The following MACROD2 variants were observed in gnomAD, a reference collection of about 807,000 sequenced individuals.
The protein encoded by MACROD2 is ADP-ribose glycohydrolase MACROD2.
A neutral mutation model predicts 70.4 loss-of-function variants in MACROD2; 36 were observed. That is an observed-to-expected ratio of 0.51 (90% CI 0.39 to 0.68). The LOEUF is 0.68. Among genes scored for constraint, MACROD2 ranks in the 30% least tolerant of loss-of-function variants. The pLI, the probability that MACROD2 is intolerant of heterozygous loss-of-function variation, is 0.00. For synonymous variants in MACROD2, 172 were observed against 178.8 expected (o/e 0.96, Z 0.30); for missense variants, 496 against 538.4 (o/e 0.92, Z 0.78).
intron 8 of MACROD2, among the ~76,000 whole-genome samples, chr20:15,712,360 A>G (rs2050641144): frequency 1.3e-5 from 2 of 152,220 alleles, no homozygotes; most frequent in South Asian, 4.1e-4. Flanking sequence ...CTGGGTTTGG[A>G]AGATGCTTCT....
chr20:15,529,828 A>G (rs577884294), intron 8 of MACROD2, among the ~76,000 whole-genome samples: 10 of 152,166 alleles, frequency 6.6e-5, no homozygotes, highest in Non-Finnish European at 1.2e-4. Context: ...AGTTGGGAGA[A>G]AGAAAGGGAA....
At position 14,282,511 on chromosome 20, in the gene MACROD2, G is replaced by A. The variant is rs542265885; in HGVS notation, c.271+196783G>A. On this transcript the variant is annotated intron_variant, in intron 3 of 17. Transcript: ENST00000684519. ...GGTGGATTCCAAAATGAAATGTTCCGTGAGAAAGTGAGAAAGTTGAAGCTA... is the reference window on the plus strand; with the variant it reads ...GGTGGATTCCAAAATGAAATGTTCCATGAGAAAGTGAGAAAGTTGAAGCTA... Among the ~76,000 whole-genome samples, 6 of 152,276 alleles carry A rather than the reference G, an allele frequency of 3.9e-5. No individual in the cohort carries two copies. The East Asian group carries it at 9.6e-4, about 24-fold the overall frequency.
At chr20:15,465,168 A>C (rs2046868750) in intron 7 of MACROD2, among the ~76,000 whole-genome samples, 1 of 152,248 alleles carries the variant, frequency 6.6e-6, no homozygotes, top group Admixed American at 6.5e-5. Flanking sequence ...ATATGTAGGA[A>C]TTTCTAAACA....
chr20:14,315,801 T>C (rs550315804), intron 3 of MACROD2, among the ~76,000 whole-genome samples: 1 of 152,326 alleles, frequency 6.6e-6, no homozygotes, highest in East Asian at 1.9e-4. Flanking sequence ...TAAATGTTGG[T>C]ACACATCACC....
intron 5 of MACROD2, among the ~76,000 whole-genome samples, chr20:15,047,801 T>A (rs2075406749): frequency 6.6e-6 from 1 of 152,152 alleles, no homozygotes; most frequent in Non-Finnish European, 1.5e-5. Flanking sequence ...TGCAACGTGA[T>A]GAGGTTTCCT....
At chr20:15,863,529 G>A (rs1480762769) in intron 9 of MACROD2, among the ~76,000 whole-genome samples, 2 of 152,172 alleles carry the variant, frequency 1.3e-5, no homozygotes, top group Non-Finnish European at 2.9e-5. Flanking sequence ...TTTTTATGGT[G>A]CCATTAAAGT....
intron 13 of MACROD2, among the ~76,000 whole-genome samples, chr20:15,969,357 C>G (rs911884308): frequency 2.0e-5 from 3 of 151,650 alleles, no homozygotes; most frequent in Non-Finnish European, 4.4e-5. Flanking sequence ...ACATGAAAAA[C>G]AAAACAATAA....
intron 8 of MACROD2, among the ~76,000 whole-genome samples, chr20:15,691,675 A>G (rs2050301035): frequency 6.6e-6 from 1 of 152,254 alleles, no homozygotes; most frequent in Non-Finnish European, 1.5e-5. Context: ...CTAGGGAGCC[A>G]CACAGTCCTG....
intron 2 of MACROD2, among the ~76,000 whole-genome samples, chr20:14,022,111 G>A (rs767394784): frequency 3.3e-5 from 5 of 152,296 alleles, no homozygotes; most frequent in Admixed American, 3.3e-4. Flanking sequence ...TGATTTTGGC[G>A]AATAGCTAGT....
chr20:15,927,736 A>C (rs1402650690), intron 10 of MACROD2, among the ~76,000 whole-genome samples: 1 of 152,220 alleles, frequency 6.6e-6, no homozygotes, highest in African/African-American at 2.4e-5. Flanking sequence ...GCCAACATGG[A>C]AACTTTTCTA....
intron 5 of MACROD2, among the ~76,000 whole-genome samples, chr20:14,703,257 G>A (rs2071228238): frequency 6.6e-6 from 1 of 152,064 alleles, no homozygotes; most frequent in Non-Finnish European, 1.5e-5. Context: ...TTGCTGGTTG[G>A]GAGGGACTGT....
intron 5 of MACROD2, among the ~76,000 whole-genome samples, chr20:14,800,501 GACTA>G (rs1227824766): frequency 2.6e-5 from 4 of 152,146 alleles, no homozygotes; most frequent in South Asian, 2.1e-4. Context: ...ACATTACATA[GACTA>G]ACTGTTTCAT....
chr20:15,462,529 T>C (rs2046833154), intron 7 of MACROD2, among the ~76,000 whole-genome samples: 1 of 152,172 alleles, frequency 6.6e-6, no homozygotes, highest in Admixed American at 6.6e-5. Flanking sequence ...TCTAAAAAAT[T>C]CTTGAAAGAT....
chr20:15,464,621 A>C (rs1056023203), intron 7 of MACROD2, among the ~76,000 whole-genome samples: 2 of 152,184 alleles, frequency 1.3e-5, no homozygotes, highest in African/African-American at 4.8e-5. Context: ...CTTTTGCCTT[A>C]GCTTTATCCC....
chr20:14,477,115 G>A (rs1297752800), intron 3 of MACROD2, among the ~76,000 whole-genome samples: 1 of 152,166 alleles, frequency 6.6e-6, no homozygotes, highest in Non-Finnish European at 1.5e-5. Context: ...ACTGGACAGA[G>A]TTTGGCTACT....
intron 3 of MACROD2, among the ~76,000 whole-genome samples, chr20:14,396,664 G>A (rs927890570): frequency 2.6e-5 from 4 of 151,952 alleles, no homozygotes; most frequent in African/African-American, 7.2e-5. Context: ...AGTGGCTCAC[G>A]CCTGTAATCC....
At chr20:15,784,050 A>G (rs916767894) in intron 8 of MACROD2, among the ~76,000 whole-genome samples, 1 of 152,152 alleles carries the variant, frequency 6.6e-6, no homozygotes, top group African/African-American at 2.4e-5. Flanking sequence ...TCCTTGAAAG[A>G]AAAGTTAGTT....
intron 6 of MACROD2, among the ~76,000 whole-genome samples, chr20:15,303,370 C>T (rs959890438): frequency 6.6e-6 from 1 of 152,194 alleles, no homozygotes; most frequent in African/African-American, 2.4e-5. Context: ...ACATTCCCAT[C>T]TGTGCTCCTG....
At chr20:14,507,994 G>T (rs1270541904) in intron 4 of MACROD2, among the ~76,000 whole-genome samples, 1 of 152,164 alleles carries the variant, frequency 6.6e-6, no homozygotes, top group Non-Finnish European at 1.5e-5. Flanking sequence ...GTGAAATCAT[G>T]CAAACATTAG....
Sources: gnomAD v4.1 joint callset for allele counts (sites outside exome capture counted in the v4.1 genomes callset) on GRCh38, gnomAD v4.1.1 for gene constraint, MANE v1.5 for transcripts, NCBI Gene and HGNC (gene_info 2026-07-23, HGNC 2026-07-21) for gene names.